SCEL: variants seen among roughly 807,000 people sequenced by gnomAD.
SCEL encodes the protein sciellin.
Under a neutral mutation model 117.6 loss-of-function variants are expected in SCEL, and 113 were observed. The observed-to-expected ratio is 0.96, with a 90% CI of 0.83 to 1.12. SCEL has a LOEUF of 1.12. Ranked by LOEUF, SCEL falls within the 50% of genes most tolerant of loss-of-function variation. The pLI, the probability that SCEL is intolerant of heterozygous loss-of-function variation, is 0.00. For synonymous variants in SCEL, 270 were observed against 256.2 expected, an observed-to-expected ratio of 1.05 and a Z score of -0.51; for missense variants, 785 against 810.8, an observed-to-expected ratio of 0.97 and a Z score of 0.39.
intron 1 of SCEL, among the ~76,000 whole-genome samples, chr13:77,539,642 A>G (rs2083592940): frequency 6.6e-6 from 1 of 151,546 alleles, no homozygotes; most frequent in African/African-American, 2.4e-5. Flanking sequence ...GGTTCACATC[A>G]TTCTGCCTCA....
Position 77,612,958 on chromosome 13 carries a change from A to G in SCEL, c.1388+17A>G, listed in dbSNP as rs1420487723. 17 of 1,476,210 alleles carry G rather than the reference A, an allele frequency of 1.2e-5. No homozygotes were observed. The highest frequency in any genetic ancestry group is 1.6e-5 in the Non-Finnish European group (17 of 1,081,834). The allele number at this position is 1,476,210 out of a possible 1,614,324, so 91.4% of individuals were successfully genotyped here. ...AAACAAAAGGTAAACTTATTAAGAT[A>G]ATTGAAGACTTCTTAGCAAGTCACC... On this transcript the variant is annotated intron_variant, in intron 23 of 32. Coordinates refer to ENST00000349847, the MANE Select transcript of SCEL (RefSeq NM_144777.3).
chr13:77,613,705 G>A (rs576921075), intron 23 of SCEL, among the ~76,000 whole-genome samples, 188 bp from the exon 24 acceptor site: 2 of 151,882 alleles, frequency 1.3e-5, no homozygotes, highest in East Asian at 3.9e-4. Context: ...GGGTGGGGGC[G>A]GTGGTATTAA....
intron 9 of SCEL, among the ~76,000 whole-genome samples, chr13:77,586,624 C>G (rs765957341): frequency 2.6e-5 from 4 of 152,164 alleles, no homozygotes; most frequent in Non-Finnish European, 5.9e-5. Context: ...AACTCTCAGT[C>G]TATTCTGTTC....
At chr13:77,628,916 A>T (rs1314281571) in intron 28 of SCEL, among the ~76,000 whole-genome samples, 1 of 152,114 alleles carries the variant, frequency 6.6e-6, no homozygotes, top group African/African-American at 2.4e-5. Flanking sequence ...ATGAGGGAGG[A>T]TAAATTTTCA....
intron 27 of SCEL, among the ~76,000 whole-genome samples, chr13:77,622,847 G>A (rs2089497726): frequency 6.6e-6 from 1 of 152,168 alleles, no homozygotes; most frequent in South Asian, 2.1e-4. Context: ...GGGAGACAGA[G>A]CTAGACCCCA....
chr13:77,539,222 C>A (rs925965937), intron 1 of SCEL, among the ~76,000 whole-genome samples: 6 of 151,330 alleles, frequency 4.0e-5, no homozygotes, highest in African/African-American at 1.5e-4. Context: ...AATTAGGATT[C>A]TTGATGAATA....
chr13:77,549,085 A>G (rs968887844), intron 1 of SCEL, among the ~76,000 whole-genome samples: 2 of 152,202 alleles, frequency 1.3e-5, no homozygotes, highest in East Asian at 1.9e-4. Flanking sequence ...CTAGCAATGG[A>G]ATTACCAGAT....
chr13:77,608,838 GT>G (rs2088427012), intron 20 of SCEL, among the ~76,000 whole-genome samples: 2 of 151,970 alleles, frequency 1.3e-5, no homozygotes, highest in South Asian at 4.1e-4. Context: ...TAATTATATG[GT>G]TTTATTTTGG....
chr13:77,604,588 T>C (rs915479866), intron 19 of SCEL, among the ~76,000 whole-genome samples, 173 bp downstream of exon 19: 5 of 152,206 alleles, frequency 3.3e-5, no homozygotes, highest in African/African-American at 1.2e-4. Flanking sequence ...CACCTAAATC[T>C]CCTGCATTTT....
In SCEL at chr13:77,613,132, GA is replaced by G. The variant is rs546751261; in HGVS notation, c.1388+195del. On this transcript the variant is annotated intron_variant, in intron 23 of 32. Transcript: ENST00000349847. ...TCATTAATTTCATTATATTATTGTA[GA>G]AAATTATAATATTGAAGCTAATTCT... Among the ~76,000 whole-genome samples the G allele has an allele frequency of 1.1e-3, 171 of 151,930 alleles. No individual in the cohort carries two copies. In the Middle Eastern group the frequency reaches 0.017, roughly 15 times the overall value.
intron 18 of SCEL, among the ~76,000 whole-genome samples, chr13:77,603,610 C>T (rs2087884648): frequency 6.6e-6 from 1 of 152,174 alleles, no homozygotes; most frequent in Non-Finnish European, 1.5e-5. Context: ...GCTGTGTTGA[C>T]ATGGCAGTGG....
In SCEL at chr13:77,627,989, G is replaced by T. The variant is rs1028764045; in HGVS notation, c.1671G>T (p.Val557=). The T allele has an allele frequency of 6.6e-7, 1 of 1,507,646 alleles. No homozygotes were observed. The highest frequency in any genetic ancestry group is 9.0e-7 in the Non-Finnish European group (1 of 1,111,572). The allele number at this position is 1,507,646 out of a possible 1,614,324, so 93.4% of individuals were successfully genotyped here. A position where few individuals can be genotyped will look rare whatever the true frequency, so the allele number is the denominator to read the frequency against. The part of the protein sequence containing the change: ...LENLIEVNSH[V]SENKNGSSNT... The stretch of plus-strand genomic sequence containing the variant: ...ATTTAATTGAAGTAAATTCTCATGT[G>T]TCTGAAAACAAGAATGGAAGGTAAA... The change falls in exon 28 of 33, where the codon GTG becomes GTT. Residue 557 remains valine (V), a synonymous_variant. Transcript: ENST00000349847.
Position 77,644,302 on chromosome 13 carries a change from AGC to A in SCEL, c.*29_*30del. 6.2e-7 allele frequency: 1 copy of A among 1,610,614 alleles called. No individual in the cohort carries two copies. Among genetic ancestry groups the A allele is most frequent in the Non-Finnish European group, 8.5e-7 (1 of 1,177,094 alleles). ...CTGGCACAAGGAAATCAAGATGAAA[AGC>A]ACTCATTAAGGAATTAAAGTTACAA... is the stretch of plus-strand genomic sequence containing the variant. On this transcript the variant is annotated 3_prime_UTR_variant, in exon 33 of 33. Transcript: ENST00000349847.
At chr13:77,597,440 G>C in intron 12 of SCEL, 105 bp from the exon 13 acceptor site, 1 of 623,996 alleles carries the variant, frequency 1.6e-6, no homozygotes. Context: ...GATGATAAAA[G>C]TGGGATGTGT....
chr13:77,572,535 A>C (rs2085699269), intron 9 of SCEL, among the ~76,000 whole-genome samples: 1 of 152,174 alleles, frequency 6.6e-6, no homozygotes, highest in South Asian at 2.1e-4. Flanking sequence ...TAGAGGCCAG[A>C]AGTCCAAAAT....
In SCEL at chr13:77,637,119, G is replaced by A. The variant is rs915159933; in HGVS notation, c.1764-1G>A. ...CACATGTCCATATATTTTGTTCCTA[G>A]TAAATCACCCAAGGATGGATATCAG... On this transcript the variant is annotated splice_acceptor_variant, in intron 29 of 32. Transcript: ENST00000349847. LOFTEE classifies it high-confidence loss of function. 5 of 1,518,394 alleles carry A rather than the reference G, an allele frequency of 3.3e-6. No individual in the cohort carries two copies. The highest frequency in any genetic ancestry group is 2.0e-5 in the Admixed American group (1 of 51,086). 94.1% of individuals were successfully genotyped at this position (1,518,394 alleles called of 1,614,324 possible).
chr13:77,573,726 A>G (rs1388073816), intron 9 of SCEL, among the ~76,000 whole-genome samples: 1 of 152,030 alleles, frequency 6.6e-6, no homozygotes, highest in African/African-American at 2.4e-5. Flanking sequence ...CTGTCTACCT[A>G]TCTATAACTA....
chr13:77,612,932 C>A lies in SCEL; in HGVS notation c.1379C>A (p.Ala460Glu). The change falls in exon 23 of 33, where the codon GCA (alanine) becomes GAA (glutamate). Residue 460 changes from alanine (A) to glutamate (E), a missense_variant. Ala to Glu is a moderately radical substitution (Grantham distance 107, BLOSUM62 -1). Transcript: ENST00000349847. ...LENLIKVIPS[A>E]NKSSEQGLDE... ...AATCTTATCAAAGTGATCCCTTCAGCAAACAAAAGGTAAACTTATTAAGAT... is the reference window on the plus strand; with the variant it reads ...AATCTTATCAAAGTGATCCCTTCAGAAAACAAAAGGTAAACTTATTAAGAT... The A allele has an allele frequency of 6.4e-7, 1 of 1,558,430 alleles. No homozygotes were observed.
intron 9 of SCEL, among the ~76,000 whole-genome samples, chr13:77,577,944 C>T (rs1040165717): frequency 6.6e-6 from 1 of 152,124 alleles, no homozygotes; most frequent in African/African-American, 2.4e-5. Context: ...GGAGTTTAGT[C>T]CTTGTTTTTT....
Sources: gnomAD v4.1 joint callset for allele counts (sites outside exome capture counted in the v4.1 genomes callset) on GRCh38, gnomAD v4.1.1 for gene constraint, MANE v1.5 for transcripts, NCBI Gene and HGNC (gene_info 2026-07-23, HGNC 2026-07-21) for gene names.